CSMD1: variants seen among roughly 807,000 people sequenced by gnomAD.
The protein encoded by CSMD1 is CUB and sushi domain-containing protein 1.
CSMD1 carries 213 observed loss-of-function variants against 417.5 expected under a neutral mutation model. The observed-to-expected ratio is 0.51, with a 90% CI of 0.46 to 0.57. CSMD1 has a LOEUF of 0.57. CSMD1 is among the 20% of genes least tolerant of loss of function. The pLI is 0.00. For missense variants in CSMD1, 6,923 were observed against 4,529.7 expected, an observed-to-expected ratio of 1.53 and a Z score of -15.17; for synonymous variants, 2,862 against 1,736.8, an observed-to-expected ratio of 1.65 and a Z score of -16.11.
At chr8:3,905,921 T>G (rs1808077026) in intron 5 of CSMD1, among the ~76,000 whole-genome samples, 1 of 152,216 alleles carries the variant, frequency 6.6e-6, no homozygotes. Flanking sequence ...ATGGGCCAAT[T>G]TATAACCATG....
chr8:4,617,508 G>C (rs1344849542), intron 2 of CSMD1, among the ~76,000 whole-genome samples: 2 of 152,126 alleles, frequency 1.3e-5, no homozygotes, highest in South Asian at 2.1e-4. Context: ...CTGTCAACTA[G>C]ACAATGCTAT....
intron 5 of CSMD1, among the ~76,000 whole-genome samples, chr8:3,815,997 A>C (rs1182618742): frequency 2.6e-5 from 4 of 152,182 alleles, no homozygotes; most frequent in Non-Finnish European, 5.9e-5. Context: ...TTACAACATC[A>C]AACTTAAAAA....
intron 5 of CSMD1, among the ~76,000 whole-genome samples, chr8:3,814,013 G>T (rs952895227): frequency 1.6e-4 from 25 of 152,262 alleles, no homozygotes; most frequent in African/African-American, 6.0e-4. Context: ...ACAGATTAAT[G>T]CAACAGATTA....
At position 4,949,638 on chromosome 8, in the gene CSMD1, C is replaced by G. The variant is rs115589576; in HGVS notation, c.85+44694G>C. Among the ~76,000 whole-genome samples, 755 of 152,248 alleles carry G rather than the reference C, an allele frequency of 5.0e-3. 4 individuals are homozygous for G. Among genetic ancestry groups the G allele is most frequent in the African/African-American group, 0.017 (714 of 41,536 alleles). On this transcript the variant is annotated intron_variant, in intron 1 of 69. Coordinates refer to ENST00000635120, the MANE Select transcript of CSMD1 (RefSeq NM_033225.6). ...TTCCACATCCCCAACCAAGAAGCAT[C>G]TGACCCCACATGGCAATAGTGCCAA...
At chr8:3,303,037 T>C (rs1012228277) in intron 25 of CSMD1, among the ~76,000 whole-genome samples, 7 of 152,214 alleles carry the variant, frequency 4.6e-5, no homozygotes, top group Admixed American at 3.9e-4. Flanking sequence ...TAGACTTCTA[T>C]AACTCTTTTA....
intron 10 of CSMD1, among the ~76,000 whole-genome samples, chr8:3,549,000 T>A (rs1193273235): frequency 6.6e-6 from 1 of 152,084 alleles, no homozygotes; most frequent in African/African-American, 2.4e-5. Flanking sequence ...TACCTGGGTT[T>A]CCTCACCCTC....
intron 18 of CSMD1, among the ~76,000 whole-genome samples, chr8:3,373,959 T>A (rs1810143920): frequency 1.3e-5 from 2 of 151,322 alleles, no homozygotes; most frequent in South Asian, 4.2e-4. Flanking sequence ...ACTATTTTTT[T>A]TTTTTTTTTT....
chr8:3,644,406 C>A (rs1012238173), intron 7 of CSMD1, among the ~76,000 whole-genome samples: 2 of 152,270 alleles, frequency 1.3e-5, no homozygotes, highest in African/African-American at 4.8e-5. Flanking sequence ...CTGGAAGCCT[C>A]GCATTTACAG....
chr8:3,626,968 G>A (rs1796522119), intron 7 of CSMD1, among the ~76,000 whole-genome samples: 1 of 151,546 alleles, frequency 6.6e-6, no homozygotes, highest in Non-Finnish European at 1.5e-5. Context: ...ACAGTGTTTA[G>A]TATTTGTTTA....
chr8:4,967,289 A>T (rs1008020565), intron 1 of CSMD1, among the ~76,000 whole-genome samples: 1 of 152,188 alleles, frequency 6.6e-6, no homozygotes, highest in African/African-American at 2.4e-5. Context: ...GTCTGTAGCC[A>T]TTTCAGGCAT....
At chr8:3,517,172 C>G (rs1328305019) in intron 10 of CSMD1, among the ~76,000 whole-genome samples, 1 of 152,128 alleles carries the variant, frequency 6.6e-6, no homozygotes, top group East Asian at 1.9e-4. Flanking sequence ...CCTTCTCATG[C>G]CTGTCACCAG....
At position 3,272,851 on chromosome 8, in the gene CSMD1, C is replaced by T. The variant is rs375131196; in HGVS notation, c.4153+11293G>A. 9.3e-5 allele frequency among the ~76,000 whole-genome samples: 14 copies of T among 150,462 alleles called. No individual in the cohort carries two copies. In the East Asian group the frequency reaches 2.2e-3, roughly 23 times the overall value. ...TTTGGGCTGAGACAGTGGGGTTTTC[C>T]AGATATACAATCATGTCGTCTGCAA... On this transcript the variant is annotated intron_variant, in intron 26 of 69. Coordinates refer to ENST00000635120, the MANE Select transcript of CSMD1 (RefSeq NM_033225.6).
At chr8:4,323,207 AC>A in intron 3 of CSMD1, among the ~76,000 whole-genome samples, 1 of 152,260 alleles carries the variant, frequency 6.6e-6, no homozygotes, top group South Asian at 2.1e-4. Flanking sequence ...TCCTATGCAG[AC>A]CCATGTGATT....
At chr8:4,657,009 G>A (rs564604941) in intron 1 of CSMD1, among the ~76,000 whole-genome samples, 3 of 152,182 alleles carry the variant, frequency 2.0e-5, no homozygotes, top group South Asian at 2.1e-4. Context: ...AACCACCGTA[G>A]GGCACGCAAA....
chr8:3,474,757 A>G (rs1212379532), intron 11 of CSMD1, among the ~76,000 whole-genome samples: 2 of 152,202 alleles, frequency 1.3e-5, no homozygotes, highest in Non-Finnish European at 2.9e-5. Flanking sequence ...TTTAACATTC[A>G]TCAAAACATA....
At chr8:3,834,927 C>G (rs1342250119) in intron 5 of CSMD1, among the ~76,000 whole-genome samples, 2 of 151,992 alleles carry the variant, frequency 1.3e-5, no homozygotes, top group Non-Finnish European at 2.9e-5. Flanking sequence ...AGACACTTCT[C>G]AAAAGAAGAC....
intron 2 of CSMD1, among the ~76,000 whole-genome samples, chr8:4,444,291 G>A (rs1798652991): frequency 7.7e-6 from 1 of 130,444 alleles, no homozygotes; most frequent in South Asian, 2.6e-4. Flanking sequence ...ACGTTGCAGT[G>A]AACTGAGATC....
chr8:3,949,916 T>G (rs2627516), intron 5 of CSMD1: 6,515 of 455,882 alleles, frequency 0.014, 302 homozygotes, highest in East Asian at 0.11. Context: ...GCTCCAGGTG[T>G]TGAGGCAGGA....
At chr8:4,093,354 G>T (rs970953660) in intron 3 of CSMD1, among the ~76,000 whole-genome samples, 18 of 152,058 alleles carry the variant, frequency 1.2e-4, no homozygotes, top group African/African-American at 4.3e-4. Context: ...GAAGAATAAT[G>T]AAAGTTAAAT....
Sources: allele counts gnomAD v4.1 joint callset (sites outside exome capture counted in the v4.1 genomes callset), GRCh38; gene constraint gnomAD v4.1.1; transcripts MANE v1.5; gene names NCBI Gene and HGNC (gene_info 2026-07-23, HGNC 2026-07-21).